Variants in LRRTM3 observed in about 807,000 individuals in gnomAD.
LRRTM3 encodes the protein leucine-rich repeat transmembrane neuronal protein 3.
A neutral mutation model predicts 44.7 loss-of-function variants in LRRTM3; 24 were observed. The observed-to-expected ratio is 0.54, with a 90% CI of 0.39 to 0.76. LRRTM3 has a LOEUF of 0.76. LRRTM3 is among the 30% of genes least tolerant of loss of function. The pLI is 0.00. For synonymous variants in LRRTM3, 277 were observed against 278.7 expected (o/e 0.99, Z 0.06); for missense variants, 587 against 702.2 (o/e 0.84, Z 1.85).
intron 2 of LRRTM3, among the ~76,000 whole-genome samples, chr10:67,042,407 T>C (rs945965086): frequency 1.3e-5 from 2 of 152,112 alleles, no homozygotes; most frequent in African/African-American, 2.4e-5. Context: ...AATTATATCA[T>C]TGGGAAATAA....
intron 2 of LRRTM3, among the ~76,000 whole-genome samples, chr10:66,978,026 A>G (rs1589532425): frequency 6.7e-6 from 1 of 149,362 alleles, no homozygotes; most frequent in Admixed American, 6.9e-5. Context: ...TTAGTATAAC[A>G]TCATGAGTGA....
At chr10:67,014,176 T>C (rs950901372) in intron 2 of LRRTM3, among the ~76,000 whole-genome samples, 3 of 152,196 alleles carry the variant, frequency 2.0e-5, no homozygotes, top group Non-Finnish European at 4.4e-5. Context: ...TTCCTACCAT[T>C]CTTCACCATG....
intron 2 of LRRTM3, among the ~76,000 whole-genome samples, chr10:67,021,091 T>A (rs1182013559): frequency 6.6e-6 from 1 of 152,160 alleles, no homozygotes; most frequent in Non-Finnish European, 1.5e-5. Context: ...ATACATTTTG[T>A]AACTATTACT....
intron 2 of LRRTM3, among the ~76,000 whole-genome samples, chr10:66,953,147 C>T (rs1175320823): frequency 6.6e-6 from 1 of 152,130 alleles, no homozygotes; most frequent in Non-Finnish European, 1.5e-5. Flanking sequence ...ATAAACCTGA[C>T]CCAGTTGAGC....
At chr10:66,935,634 AT>A (rs1213224067) in intron 2 of LRRTM3, among the ~76,000 whole-genome samples, 4 of 151,900 alleles carry the variant, frequency 2.6e-5, no homozygotes, top group South Asian at 2.1e-4. Flanking sequence ...GCCTAAAAAA[AT>A]ATATATATAT....
At chr10:67,064,881 AC>A (rs1246837769) in intron 2 of LRRTM3, among the ~76,000 whole-genome samples, 1 of 152,214 alleles carries the variant, frequency 6.6e-6, no homozygotes, top group Non-Finnish European at 1.5e-5. Context: ...ATTTGCAGGT[AC>A]CTTTAAGCTA....
intron 2 of LRRTM3, among the ~76,000 whole-genome samples, chr10:67,011,755 C>T (rs1199370631): frequency 1.3e-5 from 2 of 151,980 alleles, no homozygotes; most frequent in African/African-American, 4.8e-5. Flanking sequence ...CTCATAATAA[C>T]CCTAGGAGGT....
intron 2 of LRRTM3, among the ~76,000 whole-genome samples, chr10:67,035,103 T>C (rs12098774): frequency 0.018 from 2,717 of 152,306 alleles, 78 homozygotes; most frequent in African/African-American, 0.061. Flanking sequence ...TTCACCTGTA[T>C]TGAATTATCT....
intron 2 of LRRTM3, among the ~76,000 whole-genome samples, chr10:66,936,635 T>C (rs1394737445): frequency 6.6e-6 from 1 of 152,162 alleles, no homozygotes; most frequent in African/African-American, 2.4e-5. Flanking sequence ...ATCGGACAGA[T>C]GGACTAGATT....
intron 2 of LRRTM3, among the ~76,000 whole-genome samples, chr10:67,079,737 G>A (rs781427498): frequency 5.3e-5 from 8 of 151,778 alleles, no homozygotes; most frequent in Non-Finnish European, 7.4e-5. Context: ...AATCCCAGCT[G>A]CTCAGGAGGC....
At chr10:66,938,910 T>C (rs1847858852) in intron 2 of LRRTM3, among the ~76,000 whole-genome samples, 1 of 152,170 alleles carries the variant, frequency 6.6e-6, no homozygotes, top group Non-Finnish European at 1.5e-5. Flanking sequence ...TTAAAAGCCA[T>C]ACATTTGTGA....
chr10:66,971,795 C>T (rs971119756), intron 2 of LRRTM3, among the ~76,000 whole-genome samples: 2 of 152,050 alleles, frequency 1.3e-5, no homozygotes, highest in African/African-American at 2.4e-5. Context: ...TTACAAGAGA[C>T]CCTGTCATCT....
intron 2 of LRRTM3, among the ~76,000 whole-genome samples, chr10:66,955,905 G>A (rs571438214): frequency 5.3e-5 from 8 of 152,012 alleles, no homozygotes; most frequent in Admixed American, 1.3e-4. Context: ...CTCTAGTGAC[G>A]CTACAACATG....
At chr10:66,966,769 A>G (rs1468506049) in intron 2 of LRRTM3, among the ~76,000 whole-genome samples, 4 of 152,092 alleles carry the variant, frequency 2.6e-5, no homozygotes, top group African/African-American at 9.7e-5. Context: ...CTAAATCTGT[A>G]AGAAGAAAAT....
At chr10:67,026,359 T>G (rs1853390774) in intron 2 of LRRTM3, among the ~76,000 whole-genome samples, 1 of 152,040 alleles carries the variant, frequency 6.6e-6, no homozygotes, top group South Asian at 2.1e-4. Flanking sequence ...TTTGGAACAT[T>G]TTGTAAATAT....
intron 2 of LRRTM3, among the ~76,000 whole-genome samples, chr10:67,060,867 T>C (rs1276528751): frequency 6.6e-6 from 1 of 152,222 alleles, no homozygotes; most frequent in Admixed American, 6.5e-5. Context: ...TTTTAAGCTA[T>C]GACTTTAACT....
At chr10:67,069,057 T>A (rs1925560) in intron 2 of LRRTM3, among the ~76,000 whole-genome samples, 15 of 62,258 alleles carry the variant, frequency 2.4e-4, no homozygotes, top group Middle Eastern at 0.037. Context: ...GGAAAAAAAA[T>A]ATATATATGT....
chr10:67,037,097 T>C (rs919192576), intron 2 of LRRTM3, among the ~76,000 whole-genome samples: 5 of 152,224 alleles, frequency 3.3e-5, no homozygotes, highest in African/African-American at 1.2e-4. Flanking sequence ...GGCATTTGAC[T>C]GGGTGAGGAT....
At chr10:66,996,410 C>T (rs942956213) in intron 2 of LRRTM3, among the ~76,000 whole-genome samples, 4 of 151,970 alleles carry the variant, frequency 2.6e-5, no homozygotes, top group African/African-American at 7.2e-5. Context: ...CTTTGGGAGG[C>T]CGAGACGGGC....
Sources: allele counts gnomAD v4.1 joint callset (sites outside exome capture counted in the v4.1 genomes callset), GRCh38; gene constraint gnomAD v4.1.1; transcripts MANE v1.5; gene names NCBI Gene and HGNC (gene_info 2026-07-23, HGNC 2026-07-21).